PRKAG2: variants seen among roughly 807,000 people sequenced by gnomAD.
The protein encoded by PRKAG2 is protein kinase AMP-activated non-catalytic subunit gamma 2.
PRKAG2 carries 26 observed loss-of-function variants against 69.6 expected under a neutral mutation model. The ratio of observed to expected loss-of-function variants is 0.37; its 90% CI spans 0.27 to 0.52. The LOEUF is 0.52. PRKAG2 is among the 20% of genes least tolerant of loss of function. The pLI is 0.90. For missense variants in PRKAG2, 557 were observed against 740.0 expected (o/e 0.75, Z 2.87); for synonymous variants, 293 against 285.0 (o/e 1.03, Z -0.28).
intron 3 of PRKAG2, among the ~76,000 whole-genome samples, chr7:151,680,934 T>C (rs1441178355): frequency 1.3e-5 from 2 of 152,340 alleles, no homozygotes; most frequent in Admixed American, 6.5e-5. Context: ...TTAGTCACTG[T>C]TGTGCAAGGG....
intron 11 of PRKAG2, chr7:151,566,593 G>A: frequency 2.2e-6 from 1 of 451,830 alleles, no homozygotes; most frequent in Non-Finnish European, 4.4e-6. Flanking sequence ...GGGTATAGTT[G>A]ATTCCATCCT....
At chr7:151,697,794 T>C (rs1334483732) in intron 3 of PRKAG2, among the ~76,000 whole-genome samples, 1 of 151,968 alleles carries the variant, frequency 6.6e-6, no homozygotes, top group African/African-American at 2.4e-5. Flanking sequence ...AAATCGAGCC[T>C]CTCTCCACCC....
At chr7:151,623,362 T>TC (rs1821979179) in intron 5 of PRKAG2, among the ~76,000 whole-genome samples, 1 of 14,242 alleles carries the variant, frequency 7.0e-5, no homozygotes, top group Non-Finnish European at 1.3e-4. Context: ...AGACTCTGTC[T>TC]CAAAAAAAAA....
At chr7:151,574,801 A>G (rs1020636015) in intron 8 of PRKAG2, 90 bp downstream of exon 8, 2 of 1,566,700 alleles carry the variant, frequency 1.3e-6, no homozygotes, top group Middle Eastern at 1.7e-4. Context: ...AACTGAAAAC[A>G]TTAAAAATCT....
chr7:151,678,469 G>A (rs1328056505), intron 3 of PRKAG2, among the ~76,000 whole-genome samples: 4 of 152,146 alleles, frequency 2.6e-5, no homozygotes, highest in Non-Finnish European at 5.9e-5. Flanking sequence ...GTCCGGGGGA[G>A]GTTTAGGAAG....
At chr7:151,619,027 A>G (rs1820853808) in intron 5 of PRKAG2, among the ~76,000 whole-genome samples, 1 of 152,188 alleles carries the variant, frequency 6.6e-6, no homozygotes, top group Non-Finnish European at 1.5e-5. Flanking sequence ...AAAGAAGAAA[A>G]AGCACAGGCA....
Position 151,557,040 on chromosome 7 carries a change from A to G in PRKAG2, c.*161T>C. ...AAGCCTGAATCTTCAAGCACATAAA[A>G]TCTTTCTTTTTTAAGCTTAATTTCA... is the stretch of plus-strand genomic sequence containing the variant. On this transcript the variant is annotated 3_prime_UTR_variant, in exon 16 of 16. Coordinates refer to ENST00000287878, the MANE Select transcript of PRKAG2 (RefSeq NM_016203.4). The G allele has an allele frequency of 8.2e-7, 1 of 1,219,280 alleles. No individual in the cohort carries two copies. The highest frequency in any genetic ancestry group is 2.4e-5 in the East Asian group (1 of 42,284). The allele number at this position is 1,219,280 out of a possible 1,614,324, so 75.5% of individuals were successfully genotyped here.
intron 5 of PRKAG2, among the ~76,000 whole-genome samples, chr7:151,629,657 AG>A: frequency 6.6e-6 from 1 of 152,370 alleles, no homozygotes. Context: ...TAACAAATAT[AG>A]TATCAGTTAT....
At chr7:151,865,894 C>G (rs566666010) in intron 1 of PRKAG2, among the ~76,000 whole-genome samples, 1 of 151,932 alleles carries the variant, frequency 6.6e-6, no homozygotes, top group African/African-American at 2.4e-5. Flanking sequence ...GTGGCGGGCG[C>G]CCGTAGACCC....
intron 3 of PRKAG2, among the ~76,000 whole-genome samples, chr7:151,707,205 T>G (rs969610594): frequency 6.6e-6 from 1 of 152,174 alleles, no homozygotes; most frequent in African/African-American, 2.4e-5. Context: ...CTGCCCAAAC[T>G]TGAGCTGCCG....
At chr7:151,865,438 G>A (rs995135920) in intron 1 of PRKAG2, among the ~76,000 whole-genome samples, 14 of 152,346 alleles carry the variant, frequency 9.2e-5, no homozygotes, top group South Asian at 2.1e-4. Flanking sequence ...CTATGTTTTT[G>A]GTGTTTTGGT....
At chr7:151,569,202 C>T (rs2241052) in intron 10 of PRKAG2, among the ~76,000 whole-genome samples, 16,463 of 152,164 alleles carry the variant, frequency 0.11, 1,128 homozygotes, top group East Asian at 0.27. Context: ...AGGCATGCGC[C>T]ACCTTTCTTT....
intron 1 of PRKAG2, among the ~76,000 whole-genome samples, chr7:151,803,911 C>T (rs2077967792): frequency 7.4e-6 from 1 of 135,214 alleles, no homozygotes; most frequent in Non-Finnish European, 1.5e-5. Context: ...GCACTCCAGA[C>T]TGGGCAGCAG....
chr7:151,630,793 A>C (rs1445339818), intron 5 of PRKAG2, among the ~76,000 whole-genome samples: 2 of 152,244 alleles, frequency 1.3e-5, no homozygotes, highest in African/African-American at 4.8e-5. Flanking sequence ...GCAATATAAT[A>C]AAACTGAGGA....
At chr7:151,615,431 C>T (rs1241112825) in intron 5 of PRKAG2, among the ~76,000 whole-genome samples, 2 of 152,148 alleles carry the variant, frequency 1.3e-5, no homozygotes, top group African/African-American at 4.8e-5. Context: ...GGATTAAAGA[C>T]TTAAATGTAA....
intron 1 of PRKAG2, chr7:151,810,413 C>A (rs1211285869): frequency 6.6e-6 from 1 of 152,278 alleles, no homozygotes; most frequent in Non-Finnish European, 1.5e-5. Context: ...CAAGCACTAG[C>A]AAAACCCTGC....
chr7:151,845,137 GATCA>G (rs542627201), intron 1 of PRKAG2, among the ~76,000 whole-genome samples: 204 of 151,902 alleles, frequency 1.3e-3, no homozygotes, highest in African/African-American at 4.9e-3. Flanking sequence ...TTCCTGGCAG[GATCA>G]CTGCTCGGCA....
At position 151,659,555 on chromosome 7, in the gene PRKAG2, G is replaced by A. The variant is rs530753959; in HGVS notation, c.684+15865C>T. ...ACACAGGGGTTCACACATGGTGACC[G>A]GGCAGACAGATGCGTGTGAAACTAA... On this transcript the variant is annotated intron_variant, in intron 4 of 15. Transcript: ENST00000287878. 3.9e-5 allele frequency among the ~76,000 whole-genome samples: 6 copies of A among 152,284 alleles called. No homozygotes were observed. In the South Asian group the frequency reaches 6.2e-4, roughly 16 times the overall value.
intron 3 of PRKAG2, among the ~76,000 whole-genome samples, chr7:151,776,879 C>T (rs1224170984): frequency 6.6e-6 from 1 of 152,168 alleles, no homozygotes; most frequent in Non-Finnish European, 1.5e-5. Flanking sequence ...GCAATGAGGC[C>T]TTCAGGTACA....
Sources: gnomAD v4.1 joint callset for allele counts (sites outside exome capture counted in the v4.1 genomes callset) on GRCh38, gnomAD v4.1.1 for gene constraint, MANE v1.5 for transcripts, NCBI Gene and HGNC (gene_info 2026-07-23, HGNC 2026-07-21) for gene names.